The following COL4A3 variants were observed in gnomAD, a reference collection of about 807,000 sequenced individuals.
The protein encoded by COL4A3 is collagen type IV alpha 3 chain, also known as collagen alpha-3(IV) chain.
COL4A3 carries 135 observed loss-of-function variants against 217.4 expected under a neutral mutation model. The observed-to-expected ratio is 0.62, with a 90% CI of 0.54 to 0.72. The LOEUF (loss-of-function observed/expected upper bound fraction) is 0.72, where lower values mean the gene tolerates loss of function less well. COL4A3 is among the 30% of genes least tolerant of loss of function. The pLI, the probability that COL4A3 is intolerant of heterozygous loss-of-function variation, is 0.00. For missense variants in COL4A3, 1,868 were observed against 2,119.9 expected (o/e 0.88, Z 2.33); for synonymous variants, 690 against 736.3 (o/e 0.94, Z 1.02).
At chr2:227,288,916 AACATGAATTTTT>A (rs2072502168) in intron 34 of COL4A3, among the ~76,000 whole-genome samples, 1 of 151,432 alleles carries the variant, frequency 6.6e-6, no homozygotes, top group South Asian at 2.1e-4. Context: ...ACAAAATTTT[AACATGAATTTTT>A]GATGCCTGGT....
intron 27 of COL4A3, 31 bp from the exon 28 acceptor site, chr2:227,277,418 G>A (rs2071644742): frequency 7.5e-7 from 1 of 1,324,666 alleles, no homozygotes; most frequent in Non-Finnish European, 1.1e-6. Flanking sequence ...AGTTGCTGAT[G>A]TGGAGATGCA....
At chr2:227,274,161 T>C (rs1315956848) in intron 26 of COL4A3, among the ~76,000 whole-genome samples, 1 of 152,014 alleles carries the variant, frequency 6.6e-6, no homozygotes, top group African/African-American at 2.4e-5. Context: ...CGCTTGAACC[T>C]GGAAGGTGGA....
chr2:227,241,514 A>T (rs957678912), intron 3 of COL4A3, among the ~76,000 whole-genome samples: 26 of 152,156 alleles, frequency 1.7e-4, no homozygotes, highest in African/African-American at 6.3e-4. Flanking sequence ...TTTCTACCAA[A>T]AATACAAAAA....
intron 26 of COL4A3, among the ~76,000 whole-genome samples, chr2:227,273,359 A>G (rs1428030955): frequency 2.0e-5 from 3 of 151,784 alleles, no homozygotes; most frequent in Non-Finnish European, 4.4e-5. Context: ...ACATACATAC[A>G]TATATATATA....
At chr2:227,268,023 C>A (rs903593957) in intron 23 of COL4A3, among the ~76,000 whole-genome samples, 1 of 152,180 alleles carries the variant, frequency 6.6e-6, no homozygotes, top group East Asian at 1.9e-4. Flanking sequence ...GGTTCCTCTG[C>A]CCCTCGGGCC....
rs2073800726 is a variant in COL4A3, at chr2:227,313,092, T to G, written c.*1222T>G. The stretch of plus-strand genomic sequence containing the variant: ...TTGATACATTCCCAAGGTTACTTAA[T>G]TCAACTTAACTATCATCTTATTCAG... On this transcript the variant is annotated 3_prime_UTR_variant, in exon 52 of 52. Coordinates refer to ENST00000396578, the MANE Select transcript of COL4A3 (RefSeq NM_000091.5). 1.3e-5 allele frequency: 2 copies of G among 152,624 alleles called. No individual in the cohort carries two copies. Among genetic ancestry groups the G allele is most frequent in the Non-Finnish European group, 2.9e-5 (2 of 68,024 alleles). The allele number at this position is 152,624 out of a possible 1,614,324, so 9.5% of individuals were successfully genotyped here.
At chr2:227,265,908 C>G (rs2070859101) in intron 21 of COL4A3, 1 of 158,678 alleles carries the variant, frequency 6.3e-6, no homozygotes, top group South Asian at 1.8e-4. Flanking sequence ...ACATGTCCTT[C>G]TTCACATGAT....
Position 227,292,393 on chromosome 2 carries a change from A to G in COL4A3, c.3211-798A>G, listed in dbSNP as rs374838903. The stretch of plus-strand genomic sequence containing the variant: ...AGATATTTGCTCAACGAAAAATCCT[A>G]TTTGACTTCACACTCAATTAACTGA... On this transcript the variant is annotated intron_variant, in intron 37 of 51. Transcript: ENST00000396578. Among the ~76,000 whole-genome samples the G allele has an allele frequency of 9.3e-4, 141 of 152,332 alleles. 1 individual carries two copies. In the Middle Eastern group the frequency reaches 0.014, roughly 15 times the overall value.
Position 227,302,893 on chromosome 2 carries a change from T to C in COL4A3, c.3883-145T>C, listed in dbSNP as rs371548530. 20 of 651,490 alleles carry C rather than the reference T, an allele frequency of 3.1e-5. No homozygotes were observed. In the East Asian group the frequency reaches 5.0e-4, roughly 16 times the overall value. The allele number at this position is 651,490 out of a possible 1,614,324, so 40.4% of individuals were successfully genotyped here. A position where few individuals can be genotyped will look rare whatever the true frequency, so the allele number is the denominator to read the frequency against. ...GTGGCCAGAGGAGTTATAGCCTTGA[T>C]TGAAAGATAAAAATGATGTCTGCTA... On this transcript the variant is annotated intron_variant, in intron 43 of 51. Transcript: ENST00000396578.
At chr2:227,196,507 C>T (rs1483418911) in intron 1 of COL4A3, among the ~76,000 whole-genome samples, 5 of 151,716 alleles carry the variant, frequency 3.3e-5, no homozygotes, top group South Asian at 2.1e-4. Context: ...TTAGTAGAGA[C>T]AGGGTTTCAC....
At chr2:227,174,804 G>A (rs115312153) in intron 1 of COL4A3, among the ~76,000 whole-genome samples, 3,732 of 152,294 alleles carry the variant, frequency 0.025, 142 homozygotes, top group African/African-American at 0.082. Context: ...CCTGCACCCG[G>A]CCTAGCGACT....
intron 1 of COL4A3, among the ~76,000 whole-genome samples, chr2:227,210,581 C>T (rs1341185533): frequency 6.6e-6 from 1 of 152,196 alleles, no homozygotes; most frequent in Non-Finnish European, 1.5e-5. Context: ...CAGAGTGAGA[C>T]TCCATCTCAA....
At chr2:227,241,906 A>G (rs12619116) in intron 3 of COL4A3, among the ~76,000 whole-genome samples, 16,956 of 152,146 alleles carry the variant, frequency 0.11, 1,051 homozygotes, top group Admixed American at 0.18. Flanking sequence ...GAGAAAACGG[A>G]CACAGAGCAC....
chr2:227,289,949 T>C (rs753196371), intron 35 of COL4A3, 50 bp from the exon 36 acceptor site: 46 of 1,555,574 alleles, frequency 3.0e-5, no homozygotes, highest in South Asian at 1.9e-4. Context: ...ATTAAACACA[T>C]ACTATGTCCA....
chr2:227,295,327 C>A lies in COL4A3; in HGVS notation c.3565+11C>A. On this transcript the variant is annotated intron_variant, in intron 41 of 51. Coordinates refer to ENST00000396578, the MANE Select transcript of COL4A3 (RefSeq NM_000091.5). ...ACCCTGGTGCTCAAGGTAAGCAGTT[C>A]TTCTTCCCTGTCCTAATGTACACAT... 1 of 1,613,236 alleles carries A rather than the reference C, an allele frequency of 6.2e-7. No homozygotes were observed. The highest frequency in any genetic ancestry group is 8.5e-7 in the Non-Finnish European group (1 of 1,179,162).
At chr2:227,243,074 C>T (rs80164040) in intron 3 of COL4A3, among the ~76,000 whole-genome samples, 1 of 152,166 alleles carries the variant, frequency 6.6e-6, no homozygotes, top group Non-Finnish European at 1.5e-5. Context: ...ATGCCAATTC[C>T]GTTTTTAAAA....
chr2:227,259,940 T>C, intron 19 of COL4A3, 63 bp downstream of exon 19: 1 of 1,159,978 alleles, frequency 8.6e-7, no homozygotes. Context: ...TTCAAGGTAA[T>C]AAATAGCATG....
intron 1 of COL4A3, among the ~76,000 whole-genome samples, chr2:227,177,147 C>CT (rs200452419): frequency 2.5e-3 from 348 of 137,736 alleles, no homozygotes; most frequent in Middle Eastern, 7.4e-3. Flanking sequence ...TTTTTCTTTC[C>CT]TTTTTTTTTT....
intron 1 of COL4A3, among the ~76,000 whole-genome samples, chr2:227,193,145 A>T (rs4542837): frequency 0.45 from 68,337 of 151,972 alleles, 15,832 homozygotes; most frequent in African/African-American, 0.57. Context: ...CCCTACAAGG[A>T]TACATCTTCA....
Sources: allele counts gnomAD v4.1 joint callset (sites outside exome capture counted in the v4.1 genomes callset), GRCh38; gene constraint gnomAD v4.1.1; transcripts MANE v1.5; gene names NCBI Gene and HGNC (gene_info 2026-07-23, HGNC 2026-07-21).